The following C4orf33 variants were observed in gnomAD, a reference collection of about 807,000 sequenced individuals.
The protein encoded by C4orf33 is chromosome 4 open reading frame 33.
C4orf33 carries 20 observed loss-of-function variants against 24.3 expected under a neutral mutation model. The observed-to-expected ratio is 0.82, with a 90% CI of 0.58 to 1.19. The LOEUF is 1.19. C4orf33 is among the 50% of genes most tolerant of loss of function. The pLI is 0.00. For missense variants in C4orf33, 207 were observed against 225.9 expected (o/e 0.92, Z 0.54); for synonymous variants, 67 against 76.4 (o/e 0.88, Z 0.64).
Position 129,102,720 on chromosome 4 carries a change from C to G in C4orf33, c.110C>G (p.Pro37Arg). The change falls in exon 2 of 6, where the codon CCA becomes CGA. Residue 37 changes from proline to arginine, a missense_variant. Physicochemically the swap from Pro to Arg is moderately radical, Grantham distance 103. Coordinates refer to ENST00000425929, the MANE Select transcript of C4orf33 (RefSeq NM_001099783.2). Reference protein sequence around the residue: ...DRGVMMDISAPFFRDPPAPLG... With the variant: ...DRGVMMDISARFFRDPPAPLG... ...GGAGTGATGATGGACATTAGTGCTC[C>G]ATTTTTCAGGGATCCTCCAGCCCCA... 6.2e-7 allele frequency: 1 copy of G among 1,614,102 alleles called. No homozygotes were observed. Among genetic ancestry groups the G allele is most frequent in the Middle Eastern group, 1.6e-4 (1 of 6,062 alleles).
chr4:129,098,721 A>G (rs1483359122), intron 1 of C4orf33, among the ~76,000 whole-genome samples: 1 of 152,234 alleles, frequency 6.6e-6, no homozygotes, highest in East Asian at 1.9e-4. Flanking sequence ...CCAGCTGTAT[A>G]CATACAATTC....
chr4:129,101,892 G>A (rs1374832852), intron 1 of C4orf33, among the ~76,000 whole-genome samples: 1 of 152,146 alleles, frequency 6.6e-6, no homozygotes, highest in African/African-American at 2.4e-5. Flanking sequence ...TCATTTAACA[G>A]TTAAAATATT....
intron 1 of C4orf33, among the ~76,000 whole-genome samples, chr4:129,099,689 A>G (rs1227344018): frequency 2.0e-5 from 3 of 152,216 alleles, no homozygotes; most frequent in Non-Finnish European, 2.9e-5. Flanking sequence ...GGTGAAGGAC[A>G]TTGACAATTA....
Position 129,115,161 on chromosome 4 carries a change from A to G in C4orf33, c.*3370A>G, listed in dbSNP as rs1226357435. The G allele has an allele frequency of 1.3e-5, 2 of 152,218 alleles. No individual in the cohort carries two copies. The highest frequency in any genetic ancestry group is 2.9e-5 in the Non-Finnish European group (2 of 68,030). The allele number at this position is 152,218 out of a possible 1,614,324, so 9.4% of individuals were successfully genotyped here. A position where few individuals can be genotyped will look rare whatever the true frequency, so the allele number is the denominator to read the frequency against. ...TTCCACTAAATCTTTTGCATTTAGT[A>G]TTTGTATAATGGCTGCCCACTTCCT... On this transcript the variant is annotated 3_prime_UTR_variant, in exon 6 of 6. Transcript: ENST00000425929.
rs2125803329 is a variant in C4orf33 at position 129,108,070 on chromosome 4, C to A, written c.243-1237C>A. On this transcript the variant is annotated intron_variant, in intron 3 of 5. Transcript: ENST00000425929. ...TCATTTCCTGTAACAGTTTATTAACCTCTAGGAAAGCAACAGGAAGAATTT... is the reference window on the plus strand; with the variant it reads ...TCATTTCCTGTAACAGTTTATTAACATCTAGGAAAGCAACAGGAAGAATTT... 1.3e-5 allele frequency among the ~76,000 whole-genome samples: 2 copies of A among 152,042 alleles called. 1 individual carries two copies. The highest frequency in any genetic ancestry group is 3.9e-4 in the East Asian group (2 of 5,168).
chr4:129,100,234 C>T (rs148471046), intron 1 of C4orf33, among the ~76,000 whole-genome samples: 6 of 152,260 alleles, frequency 3.9e-5, no homozygotes, highest in Non-Finnish European at 8.8e-5. Flanking sequence ...GAAACCTATG[C>T]AAGCTTGTCC....
At chr4:129,095,486 G>T (rs1459341681), upstream of C4orf33, among the ~76,000 whole-genome samples, 14 of 152,146 alleles carry the variant, frequency 9.2e-5, no homozygotes, top group Admixed American at 9.2e-4. Flanking sequence ...GGAATGACAA[G>T]CAGAAATGTA....
At chr4:129,103,824 T>A (rs1753436151) in intron 2 of C4orf33, among the ~76,000 whole-genome samples, 1 of 152,226 alleles carries the variant, frequency 6.6e-6, no homozygotes, top group African/African-American at 2.4e-5. Context: ...CAAGATCTAA[T>A]TCATGTCCCA....
chr4:129,110,039 C>G (rs1695737706), intron 5 of C4orf33: 2 of 1,025,246 alleles, frequency 2.0e-6, no homozygotes, highest in Non-Finnish European at 2.3e-6. Context: ...ACAAACAGTC[C>G]CCTGTTACAA....
upstream of C4orf33, among the ~76,000 whole-genome samples, chr4:129,095,845 T>A (rs1753189342): frequency 6.6e-6 from 1 of 152,332 alleles, no homozygotes; most frequent in South Asian, 2.1e-4. Flanking sequence ...TAATATAATT[T>A]ATAGTTTTTG....
At chr4:129,093,894 T>C (rs555590704), upstream of C4orf33, 3 of 152,384 alleles carry the variant, frequency 2.0e-5, no homozygotes, top group East Asian at 5.8e-4. Context: ...ACTAATATAC[T>C]AAGCCTTTCT....
intron 1 of C4orf33, 76 bp from the exon 2 acceptor site, chr4:129,102,526 A>C: frequency 8.5e-7 from 1 of 1,177,588 alleles, no homozygotes; most frequent in South Asian, 1.6e-5. Context: ...TTGGCATTGA[A>C]ATTTTCATTT....
chr4:129,110,757 T>C (rs1352718610), intron 5 of C4orf33, among the ~76,000 whole-genome samples: 1 of 152,222 alleles, frequency 6.6e-6, no homozygotes, highest in African/African-American at 2.4e-5. Flanking sequence ...TTTTGCTTGA[T>C]ATTTTTTCCC....
Position 129,115,823 on chromosome 4 carries a change from TATATATAA to T in C4orf33, c.*4034_*4041del, listed in dbSNP as rs1474509061. 7.9e-5 allele frequency: 7 copies of T among 89,078 alleles called. No individual in the cohort carries two copies. Among genetic ancestry groups the T allele is most frequent in the African/African-American group, 2.5e-4 (6 of 24,140 alleles). 5.5% of individuals were successfully genotyped at this position (89,078 alleles called of 1,614,324 possible). ...CTAAATATATATATATATATATATA[TATATATAA>T]AATATATATGTTTATATATAACATA... On this transcript the variant is annotated 3_prime_UTR_variant, in exon 6 of 6. Coordinates refer to ENST00000425929, the MANE Select transcript of C4orf33 (RefSeq NM_001099783.2).
rs1434333512 is a variant in C4orf33, at chr4:129,115,933, C to G, written c.*4142C>G. Reference sequence around the variant, plus strand: ...TTTGTTAAATCACCATTCCTGGGCCCTACTCATTTTCTGATAATTTCTTAT... The same window carrying G: ...TTTGTTAAATCACCATTCCTGGGCCGTACTCATTTTCTGATAATTTCTTAT... On this transcript the variant is annotated 3_prime_UTR_variant, in exon 6 of 6. Coordinates refer to ENST00000425929, the MANE Select transcript of C4orf33 (RefSeq NM_001099783.2). 1 of 149,634 alleles carries G rather than the reference C, an allele frequency of 6.7e-6. No homozygotes were observed. The allele number at this position is 149,634 out of a possible 1,614,324, so 9.3% of individuals were successfully genotyped here. A position where few individuals can be genotyped will look rare whatever the true frequency, so the allele number is the denominator to read the frequency against.
chr4:129,115,811 T>TATATATATATATATA lies in C4orf33; in HGVS notation c.*4021_*4035dup, dbSNP rs1753765118. 1 of 124,412 alleles carries TATATATATATATATA rather than the reference T, an allele frequency of 8.0e-6. No homozygotes were observed. The highest frequency in any genetic ancestry group is 2.2e-4 in the East Asian group (1 of 4,616). 7.7% of individuals were successfully genotyped at this position (124,412 alleles called of 1,614,324 possible). A position where few individuals can be genotyped will look rare whatever the true frequency, so the allele number is the denominator to read the frequency against. On this transcript the variant is annotated 3_prime_UTR_variant, in exon 6 of 6. Transcript: ENST00000425929. Reference sequence around the variant, plus strand: ...CAAATCTTCTAACTAAATATATATATATATATATATATATATATAAAATAT... The same window carrying TATATATATATATATA: ...CAAATCTTCTAACTAAATATATATATATATATATATATATAATATATATATATATATATAAAATAT...
chr4:129,107,056 A>C (rs1204459623), intron 3 of C4orf33, among the ~76,000 whole-genome samples: 1 of 152,008 alleles, frequency 6.6e-6, no homozygotes, highest in African/African-American at 2.4e-5. Context: ...AGCTTATAAA[A>C]ATGTTTCTTT....
rs1554010300 is a variant in C4orf33, at chr4:129,115,822, A to ATAATATATATATGTT, written c.*4033_*4034insATATATATATGTTTA. On this transcript the variant is annotated 3_prime_UTR_variant, in exon 6 of 6. Coordinates refer to ENST00000425929, the MANE Select transcript of C4orf33 (RefSeq NM_001099783.2). ...ACTAAATATATATATATATATATAT[A>ATAATATATATATGTT]TATATATAAAATATATATGTTTATA... 5 of 92,698 alleles carry ATAATATATATATGTT rather than the reference A, an allele frequency of 5.4e-5. No individual in the cohort carries two copies. The highest frequency in any genetic ancestry group is 1.5e-4 in the African/African-American group (4 of 26,526). The allele number at this position is 92,698 out of a possible 1,614,324, so 5.7% of individuals were successfully genotyped here. A position where few individuals can be genotyped will look rare whatever the true frequency, so the allele number is the denominator to read the frequency against.
intron 5 of C4orf33, chr4:129,109,948 G>A: frequency 8.4e-7 from 1 of 1,185,888 alleles, no homozygotes; most frequent in Non-Finnish European, 1.1e-6. Context: ...TGTAATAGCT[G>A]ATATAGAAGT....
Sources: allele counts gnomAD v4.1 joint callset (sites outside exome capture counted in the v4.1 genomes callset), GRCh38; gene constraint gnomAD v4.1.1; transcripts MANE v1.5; gene names NCBI Gene and HGNC (gene_info 2026-07-23, HGNC 2026-07-21).